The following SERINC3 variants were observed in gnomAD, a reference collection of about 807,000 sequenced individuals.
SERINC3 encodes the protein serine incorporator 3, also known as tumor differentially expressed protein 1.
A neutral mutation model predicts 52.1 loss-of-function variants in SERINC3; 22 were observed. That is an observed-to-expected ratio of 0.42 (90% CI 0.30 to 0.60). SERINC3 has a LOEUF of 0.60. Ranked by LOEUF, SERINC3 falls within the 20% of genes least tolerant of loss-of-function variation. The pLI is 0.16. For missense variants in SERINC3, 564 were observed against 584.6 expected (o/e 0.96, Z 0.36); for synonymous variants, 226 against 212.7 (o/e 1.06, Z -0.54).
Position 44,506,932 on chromosome 20 carries a change from T to C in SERINC3, c.678A>G (p.Thr226=), listed in dbSNP as rs775967540. The C allele has an allele frequency of 1.2e-6, 2 of 1,613,422 alleles. No individual in the cohort carries two copies. The highest frequency in any genetic ancestry group is 1.7e-5 in the Admixed American group (1 of 59,912). The change falls in exon 6 of 10, where the codon ACA becomes ACG. Residue 226 remains threonine, a synonymous_variant. Transcript: ENST00000342374. ...TGCAGCCATCTGGTTTGGTGTAATATGTATAGAGCAGCCCGACACAGATGA... is the reference window on the plus strand; with the variant it reads ...TGCAGCCATCTGGTTTGGTGTAATACGTATAGAGCAGCCCGACACAGATGA... ...LSIICVGLLY[T]YYTKPDGCTE... is the part of the protein sequence containing the mutation.
intron 1 of SERINC3, among the ~76,000 whole-genome samples, chr20:44,521,135 TGA>T (rs2064414002): frequency 6.6e-6 from 1 of 152,246 alleles, no homozygotes; most frequent in Non-Finnish European, 1.5e-5. Context: ...CAGGAGAAAC[TGA>T]GTGTGCTTTT....
chr20:44,521,118 A>C (rs1359023407), intron 1 of SERINC3, among the ~76,000 whole-genome samples: 1 of 152,260 alleles, frequency 6.6e-6, no homozygotes, highest in African/African-American at 2.4e-5. Flanking sequence ...GTGTGTTGTG[A>C]GTACAGCAGG....
chr20:44,516,380 ATTTC>A (rs948540028), intron 1 of SERINC3, among the ~76,000 whole-genome samples: 2 of 151,844 alleles, frequency 1.3e-5, no homozygotes, highest in African/African-American at 4.8e-5. Flanking sequence ...ATATAATTTT[ATTTC>A]TTTTTTTCTT....
At chr20:44,512,666 GCAT>G (rs1488502702) in intron 3 of SERINC3, 132 bp downstream of exon 3, 2 of 639,084 alleles carry the variant, frequency 3.1e-6, no homozygotes, top group African/African-American at 3.9e-5. Flanking sequence ...AATTTCACAT[GCAT>G]AATAGATCAG....
Position 44,498,062 on chromosome 20 carries a change from T to A in SERINC3, c.*2234A>T, listed in dbSNP as rs1293959783. 1 of 151,302 alleles carries A rather than the reference T, an allele frequency of 6.6e-6. No individual in the cohort carries two copies. Among genetic ancestry groups the A allele is most frequent in the East Asian group, 1.9e-4 (1 of 5,192 alleles). 9.4% of individuals were successfully genotyped at this position (151,302 alleles called of 1,614,324 possible). A position where few individuals can be genotyped will look rare whatever the true frequency, so the allele number is the denominator to read the frequency against. On this transcript the variant is annotated 3_prime_UTR_variant, in exon 10 of 10. Transcript: ENST00000342374. The stretch of plus-strand genomic sequence containing the variant: ...AACAAATAATAGCTGACAAGTTTGA[T>A]AGCCAGAAAACGGCAAAGCTGGGAT...
At chr20:44,513,384 G>A (rs181207037) in intron 2 of SERINC3, among the ~76,000 whole-genome samples, 1 of 152,152 alleles carries the variant, frequency 6.6e-6, no homozygotes, top group African/African-American at 2.4e-5. Flanking sequence ...TACTCGGGAG[G>A]CTGAGGCAGG....
At chr20:44,517,614 G>A (rs986652813) in intron 1 of SERINC3, among the ~76,000 whole-genome samples, 1 of 150,798 alleles carries the variant, frequency 6.6e-6, no homozygotes, top group Non-Finnish European at 1.5e-5. Context: ...GGAGAGGCAT[G>A]ATACAGATTC....
Position 44,509,696 on chromosome 20 carries a change from T to C in SERINC3, c.613+195A>G, listed in dbSNP as rs2064335212. 2.7e-5 allele frequency among the ~76,000 whole-genome samples: 4 copies of C among 150,448 alleles called. No individual in the cohort carries two copies. In the South Asian group the frequency reaches 8.5e-4, roughly 32 times the overall value. Reference sequence around the variant, plus strand: ...GGTATATGCCACCATGCCTGGCAAATTTTTTTTTTCTAATGTAAAGATGGA... The same window carrying C: ...GGTATATGCCACCATGCCTGGCAAACTTTTTTTTTCTAATGTAAAGATGGA... On this transcript the variant is annotated intron_variant, in intron 5 of 9. Coordinates refer to ENST00000342374, the MANE Select transcript of SERINC3 (RefSeq NM_006811.4).
chr20:44,502,528 A>G (rs2064286202), intron 8 of SERINC3, among the ~76,000 whole-genome samples: 1 of 149,068 alleles, frequency 6.7e-6, no homozygotes, highest in African/African-American at 2.5e-5. Context: ...GGCTGTAGTG[A>G]GCTATGATCA....
rs1385006064 is a variant in SERINC3, at chr20:44,497,581, G to C, written c.*2715C>G. The C allele has an allele frequency of 3.9e-5, 6 of 152,366 alleles. No individual in the cohort carries two copies. The highest frequency in any genetic ancestry group is 3.9e-4 in the Admixed American group (6 of 15,268). 9.4% of individuals were successfully genotyped at this position (152,366 alleles called of 1,614,324 possible). A position where few individuals can be genotyped will look rare whatever the true frequency, so the allele number is the denominator to read the frequency against. ...AGTTTAGGACCTTTAAAGCTCTTAA[G>C]CTGACTCCGCTACTGTAAAGAAAAG... On this transcript the variant is annotated 3_prime_UTR_variant, in exon 10 of 10. Coordinates refer to ENST00000342374, the MANE Select transcript of SERINC3 (RefSeq NM_006811.4).
At chr20:44,500,839 T>A (rs2064274953) in intron 9 of SERINC3, among the ~76,000 whole-genome samples, 1 of 152,222 alleles carries the variant, frequency 6.6e-6, no homozygotes, top group African/African-American at 2.4e-5. Flanking sequence ...GTCAGATTGC[T>A]TTATGTCATG....
At chr20:44,515,285 T>A (rs2064373143) in intron 1 of SERINC3, among the ~76,000 whole-genome samples, 1 of 151,784 alleles carries the variant, frequency 6.6e-6, no homozygotes, top group African/African-American at 2.4e-5. Flanking sequence ...ACCCAGGAGG[T>A]GGAGGTTGCA....
chr20:44,518,769 G>A (rs951525540), intron 1 of SERINC3, among the ~76,000 whole-genome samples: 5 of 151,914 alleles, frequency 3.3e-5, no homozygotes, highest in African/African-American at 7.3e-5. Flanking sequence ...GTTCAAGACC[G>A]GCCTGACCAA....
Position 44,500,372 on chromosome 20 carries a change from G to C in SERINC3, c.1346C>G (p.Ser449Cys), listed in dbSNP as rs138392031. ...GTAAAGCAGGAGGCAGACCCAGCTG[G>C]AGCTGATCTTGACCCACACAGCTGG... ...KWPAVWVKIS[S>C]SWVCLLLYVW... The change falls in exon 10 of 10, where the codon TCC (serine) becomes TGC (cysteine). Residue 449 changes from serine to cysteine, a missense_variant. By Grantham distance (112) the Ser-to-Cys change is moderately radical. Coordinates refer to ENST00000342374, the MANE Select transcript of SERINC3 (RefSeq NM_006811.4). The C allele has an allele frequency of 3.7e-6, 6 of 1,602,264 alleles. No individual in the cohort carries two copies. The highest frequency in any genetic ancestry group is 4.3e-6 in the Non-Finnish European group (5 of 1,174,252).
At chr20:44,509,009 T>C (rs1027525403) in intron 5 of SERINC3, among the ~76,000 whole-genome samples, 1 of 152,250 alleles carries the variant, frequency 6.6e-6, no homozygotes, top group African/African-American at 2.4e-5. Flanking sequence ...TAGTATGTAC[T>C]GAAAGCATTT....
rs1017043168 is a variant in SERINC3, at chr20:44,498,918, T to C, written c.*1378A>G. The C allele has an allele frequency of 6.6e-6, 1 of 152,220 alleles. No individual in the cohort carries two copies. Among genetic ancestry groups the C allele is most frequent in the Non-Finnish European group, 1.5e-5 (1 of 68,038 alleles). 9.4% of individuals were successfully genotyped at this position (152,220 alleles called of 1,614,324 possible). A position where few individuals can be genotyped will look rare whatever the true frequency, so the allele number is the denominator to read the frequency against. ...TCTTCCTGCCTTTAACATGCAGTTT[T>C]ATCTACTCCAGCAATGTCGTCTCAT... On this transcript the variant is annotated 3_prime_UTR_variant, in exon 10 of 10. Transcript: ENST00000342374.
chr20:44,507,657 G>A (rs907550114), intron 5 of SERINC3, among the ~76,000 whole-genome samples: 4 of 152,162 alleles, frequency 2.6e-5, no homozygotes, highest in Admixed American at 2.6e-4. Flanking sequence ...GATTGCTTGA[G>A]CCTGAGTTCC....
intron 1 of SERINC3, chr20:44,519,533 G>A (rs750021517): frequency 3.1e-5 from 7 of 223,774 alleles, no homozygotes; most frequent in Non-Finnish European, 5.2e-5. Context: ...TTTAGGTCAA[G>A]GTCAGAATAA....
At chr20:44,518,145 CACAGCTGTA>C (rs899658547) in intron 1 of SERINC3, among the ~76,000 whole-genome samples, 3 of 152,066 alleles carry the variant, frequency 2.0e-5, no homozygotes, top group African/African-American at 7.2e-5. Flanking sequence ...GTTCCCATCT[CACAGCTGTA>C]GCGACCCATT....
Sources: allele counts gnomAD v4.1 joint callset (sites outside exome capture counted in the v4.1 genomes callset), GRCh38; gene constraint gnomAD v4.1.1; transcripts MANE v1.5; gene names NCBI Gene and HGNC (gene_info 2026-07-23, HGNC 2026-07-21).